Variants in IQSEC1 observed in about 807,000 individuals in gnomAD.
IQSEC1 encodes the protein IQ motif and SEC7 domain-containing protein 1.
A neutral mutation model predicts 91.0 loss-of-function variants in IQSEC1; 31 were observed. The ratio of observed to expected loss-of-function variants is 0.34; its 90% CI spans 0.26 to 0.46. The LOEUF is 0.46. Ranked by LOEUF, IQSEC1 falls within the 20% of genes least tolerant of loss-of-function variation. The pLI, the probability that IQSEC1 is intolerant of heterozygous loss-of-function variation, is 1.00. For synonymous variants in IQSEC1, 699 were observed against 662.6 expected, an observed-to-expected ratio of 1.05 and a Z score of -0.84; for missense variants, 1,388 against 1,575.6, an observed-to-expected ratio of 0.88 and a Z score of 2.02.
intron 1 of IQSEC1, among the ~76,000 whole-genome samples, chr3:13,196,721 C>T (rs1026089710): frequency 3.3e-5 from 5 of 151,466 alleles, no homozygotes; most frequent in African/African-American, 7.3e-5. Flanking sequence ...CCCTGGCATG[C>T]GCGTGCGTGT....
intron 1 of IQSEC1, among the ~76,000 whole-genome samples, chr3:13,005,154 G>C (rs1024681288): frequency 9.9e-5 from 15 of 152,184 alleles, no homozygotes; most frequent in African/African-American, 3.6e-4. Flanking sequence ...ACCCTTGTGT[G>C]TGGGGTTAAT....
intron 1 of IQSEC1, among the ~76,000 whole-genome samples, chr3:13,221,696 A>G (rs569227103): frequency 9.2e-5 from 14 of 152,360 alleles, no homozygotes; most frequent in African/African-American, 3.4e-4. Context: ...CATCCCTCCA[A>G]TGGGGCAGCG....
chr3:13,153,117 C>G (rs1455566450), intron 2 of IQSEC1, among the ~76,000 whole-genome samples: 1 of 151,526 alleles, frequency 6.6e-6, no homozygotes, highest in Non-Finnish European at 1.5e-5. Context: ...TCCCTCTCCT[C>G]TCCCCTCCAG....
chr3:13,152,182 G>A (rs1707011830), intron 2 of IQSEC1, among the ~76,000 whole-genome samples: 1 of 152,148 alleles, frequency 6.6e-6, no homozygotes, highest in Non-Finnish European at 1.5e-5. Flanking sequence ...AACGTATGCG[G>A]CAATATGGAT....
intron 1 of IQSEC1, among the ~76,000 whole-genome samples, chr3:12,963,582 C>T (rs531288823): frequency 2.6e-5 from 4 of 152,370 alleles, no homozygotes; most frequent in East Asian, 1.9e-4. Context: ...CAAAGCTGCA[C>T]ATCCCCCACC....
At chr3:13,140,551 C>G (rs1269443844) in intron 2 of IQSEC1, among the ~76,000 whole-genome samples, 1 of 152,200 alleles carries the variant, frequency 6.6e-6, no homozygotes, top group African/African-American at 2.4e-5. Context: ...GTGTAAGGAA[C>G]TTCTCAGCAA....
At chr3:12,926,251 G>A (rs57118332) in intron 3 of IQSEC1, among the ~76,000 whole-genome samples, 4,421 of 151,816 alleles carry the variant, frequency 0.029, 75 homozygotes, top group Non-Finnish European at 0.04. Flanking sequence ...CGCAGGTTAC[G>A]GTGAGCCGAG....
At chr3:12,996,117 C>T (rs760281482) in intron 1 of IQSEC1, among the ~76,000 whole-genome samples, 4 of 151,964 alleles carry the variant, frequency 2.6e-5, no homozygotes, top group Non-Finnish European at 5.9e-5. Context: ...GCTATCATTG[C>T]ACCACTGCAC....
intron 1 of IQSEC1, among the ~76,000 whole-genome samples, chr3:13,169,242 A>AGG (rs201288225): frequency 0.01 from 1,533 of 152,264 alleles, 22 homozygotes; most frequent in African/African-American, 0.035. Context: ...TGATTTTATA[A>AGG]GGGGGAGTTT....
chr3:12,900,916 G>A lies in IQSEC1; in HGVS notation c.*67C>T, dbSNP rs376287300. ...GCCCCGGGTTTGGTGTGCGGCTGGC[G>A]ACCCCCGGGCGTGCCCTGTGTGGTG... On this transcript the variant is annotated 3_prime_UTR_variant, in exon 14 of 14. Transcript: ENST00000613206. 9 of 1,536,410 alleles carry A rather than the reference G, an allele frequency of 5.9e-6. No individual in the cohort carries two copies. Among genetic ancestry groups the A allele is most frequent in the African/African-American group, 2.7e-5 (2 of 73,020 alleles).
rs369288260 is a variant in IQSEC1 at position 13,254,376 on chromosome 3, G to A, written c.272+28335C>T. Among the ~76,000 whole-genome samples, 14 of 152,306 alleles carry A rather than the reference G, an allele frequency of 9.2e-5. 1 individual carries two copies. The South Asian group carries it at 1.2e-3, about 14-fold the overall frequency. On this transcript the variant is annotated intron_variant, in intron 1 of 15. Coordinates refer to the IQSEC1 transcript ENST00000648114. The stretch of plus-strand genomic sequence containing the variant: ...CCACAAGGGCGCCATGAACACACCC[G>A]GCCCATCAGTCCCCATGTCCAGCCC...
chr3:12,942,262 G>A (rs1486913009), intron 1 of IQSEC1, among the ~76,000 whole-genome samples: 1 of 152,110 alleles, frequency 6.6e-6, no homozygotes, highest in South Asian at 2.1e-4. Context: ...AGCGAATTCT[G>A]TCGCCTTTTC....
intron 2 of IQSEC1, among the ~76,000 whole-genome samples, chr3:13,136,616 G>A (rs886325823): frequency 1.7e-4 from 26 of 152,284 alleles, no homozygotes; most frequent in Admixed American, 1.4e-3. Context: ...AAGGCTAATC[G>A]GGCATTTCCG....
intron 2 of IQSEC1, among the ~76,000 whole-genome samples, chr3:13,081,647 T>G (rs909093441): frequency 3.9e-5 from 6 of 152,208 alleles, no homozygotes; most frequent in Admixed American, 2.6e-4. Flanking sequence ...CTACAAAAAT[T>G]TTTCAGTCAT....
intron 12 of IQSEC1, among the ~76,000 whole-genome samples, chr3:12,903,370 C>G (rs1694594458): frequency 6.6e-6 from 1 of 151,684 alleles, no homozygotes; most frequent in Admixed American, 6.6e-5. Flanking sequence ...TCCCCGCTTC[C>G]TCCCAGCTGC....
intron 1 of IQSEC1, chr3:13,047,341 C>T (rs1314489559): frequency 4.0e-6 from 1 of 250,502 alleles, no homozygotes; most frequent in Admixed American, 6.5e-5. Flanking sequence ...TACCTCTGGC[C>T]CTTGGGGGAA....
At chr3:13,179,955 A>G (rs909440609) in intron 1 of IQSEC1, among the ~76,000 whole-genome samples, 1 of 152,176 alleles carries the variant, frequency 6.6e-6, no homozygotes, top group Admixed American at 6.5e-5. Flanking sequence ...CCCGTGGGGC[A>G]GGGCTCAGGA....
Position 12,920,473 on chromosome 3 carries a change from G to A in IQSEC1, c.1977C>T (p.Pro659=), listed in dbSNP as rs371980046. The change falls in exon 6 of 14, where the codon CCC becomes CCT. Residue 659 remains proline, a synonymous_variant. Transcript: ENST00000613206. ...NTDMYSPNVK[P]ERKMKLEDFI... is the part of the protein sequence containing the mutation. The stretch of plus-strand genomic sequence containing the variant: ...AGTCCTCTAGCTTCATTTTCCGCTC[G>A]GGCTTGACATTGGGGCTGTACATGT... 3.0e-5 allele frequency: 48 copies of A among 1,614,082 alleles called. No individual in the cohort carries two copies. The highest frequency in any genetic ancestry group is 3.7e-5 in the Non-Finnish European group (44 of 1,180,032).
intron 1 of IQSEC1, among the ~76,000 whole-genome samples, chr3:13,217,557 G>A (rs77234233): frequency 0.2 from 30,327 of 151,942 alleles, 4,289 homozygotes; most frequent in African/African-American, 0.39. Context: ...CAGAAAGAGA[G>A]CATAATGGAG....
Sources: gnomAD v4.1 joint callset for allele counts (sites outside exome capture counted in the v4.1 genomes callset) on GRCh38, gnomAD v4.1.1 for gene constraint, MANE v1.5 for transcripts, NCBI Gene and HGNC (gene_info 2026-07-23, HGNC 2026-07-21) for gene names.